INF2: variants seen among roughly 807,000 people sequenced by gnomAD.
INF2 encodes inverted formin-2.
A neutral mutation model predicts 123.5 loss-of-function variants in INF2; 43 were observed. The observed-to-expected ratio is 0.35, with a 90% CI of 0.27 to 0.45. The LOEUF is 0.45. Among genes scored for constraint, INF2 ranks in the 20% least tolerant of loss-of-function variants. INF2 has a pLI of 1.00. For missense variants in INF2, 1,453 were observed against 1,682.7 expected (o/e 0.86, Z 2.39); for synonymous variants, 851 against 745.0 (o/e 1.14, Z -2.32).
intron 2 of INF2, among the ~76,000 whole-genome samples, chr14:104,702,735 C>T (rs1263575168): frequency 4.6e-5 from 7 of 152,240 alleles, no homozygotes; most frequent in Non-Finnish European, 8.8e-5. Context: ...AGATGAGAGA[C>T]ACCCCCAGAA....
chr14:104,711,678 A>G lies in INF2; in HGVS notation c.2468A>G (p.Glu823Gly). 1 of 1,612,398 alleles carries G rather than the reference A, an allele frequency of 6.2e-7. No individual in the cohort carries two copies. The highest frequency in any genetic ancestry group is 8.5e-7 in the Non-Finnish European group (1 of 1,179,676). Residue 823 changes from glutamate to glycine, a missense_variant, in exon 16 of 23, where the codon GAA becomes GGA. Physicochemically the swap from Glu to Gly is moderately conservative, Grantham distance 98. Coordinates refer to ENST00000392634, the MANE Select transcript of INF2 (RefSeq NM_022489.4). The part of the protein sequence containing the change: ...PDLLQLPRDL[E>G]QPSQAAGINL... ...CTCCTGCAGCTGCCCCGGGACCTGG[A>G]ACAGCCCTCGCAAGCAGCAGGGTAG...
intron 1 of INF2, among the ~76,000 whole-genome samples, chr14:104,698,644 T>G (rs1366414586): frequency 1.3e-5 from 2 of 152,090 alleles, no homozygotes; most frequent in East Asian, 3.9e-4. Flanking sequence ...CGGGTCAGAG[T>G]GCTGCATATA....
intron 1 of INF2, among the ~76,000 whole-genome samples, chr14:104,693,311 T>G (rs1889040743): frequency 6.6e-6 from 1 of 152,116 alleles, no homozygotes; most frequent in African/African-American, 2.4e-5. Flanking sequence ...GCTGTCCTAC[T>G]GTTACAGGGC....
intron 13 of INF2, among the ~76,000 whole-genome samples, chr14:104,710,480 C>T (rs760305453): frequency 2.6e-5 from 4 of 151,986 alleles, no homozygotes; most frequent in South Asian, 2.1e-4. Flanking sequence ...CACTCAGGCA[C>T]GTGCACACAC....
At chr14:104,714,057 C>T (rs118061751) in intron 20 of INF2, 146 bp from the exon 21 acceptor site, 8 of 700,508 alleles carry the variant, frequency 1.1e-5, no homozygotes, top group African/African-American at 5.4e-5. Context: ...ACGCTGAGGC[C>T]GGGTCCTGCT....
rs1175580963 is a variant in INF2 at position 104,719,425 on chromosome 14, C to T, written c.*632C>T. 6.6e-6 allele frequency: 1 copy of T among 152,464 alleles called. No homozygotes were observed. The highest frequency in any genetic ancestry group is 1.5e-5 in the Non-Finnish European group (1 of 68,250). 9.4% of individuals were successfully genotyped at this position (152,464 alleles called of 1,614,324 possible). On this transcript the variant is annotated 3_prime_UTR_variant, in exon 23 of 23. Transcript: ENST00000392634. The stretch of plus-strand genomic sequence containing the variant: ...AGAAAACCCCTCCCAGTGCCAGCTG[C>T]CCAGCGTGGGCAGGCCCTGGGGACA...
At chr14:104,700,664 C>T (rs1025633358) in intron 1 of INF2, among the ~76,000 whole-genome samples, 1 of 152,112 alleles carries the variant, frequency 6.6e-6, no homozygotes, top group African/African-American at 2.4e-5. Flanking sequence ...GTTACCTACC[C>T]GGGTGTTCCC....
chr14:104,689,206 G>A (rs1888798430), upstream of INF2: 2 of 985,274 alleles, frequency 2.0e-6, no homozygotes, highest in African/African-American at 3.5e-5. Flanking sequence ...CTCCGGATCC[G>A]GCTGGCTGGA....
At chr14:104,710,415 GCA>G (rs778582821) in intron 13 of INF2, among the ~76,000 whole-genome samples, 44 of 151,416 alleles carry the variant, frequency 2.9e-4, no homozygotes, top group Middle Eastern at 3.4e-3. Flanking sequence ...TCGGGCACGT[GCA>G]CACACACAAG....
chr14:104,683,787 C>T (rs1888590813), intron 1 of INF2, among the ~76,000 whole-genome samples: 1 of 152,188 alleles, frequency 6.6e-6, no homozygotes, highest in Non-Finnish European at 1.5e-5. Flanking sequence ...AGATCCAATT[C>T]ATCAGCCTAC....
At chr14:104,715,938 G>T (rs1454919016) in intron 22 of INF2, 3 of 456,140 alleles carry the variant, frequency 6.6e-6, no homozygotes, top group Non-Finnish European at 1.3e-5. Context: ...CCGAGGCCAT[G>T]GGTGGGTCTA....
Position 104,714,737 on chromosome 14 carries a change from C to T in INF2, c.3575C>T (p.Ser1192Phe). 6 of 1,603,280 alleles carry T rather than the reference C, an allele frequency of 3.7e-6. No homozygotes were observed. Among genetic ancestry groups the T allele is most frequent in the Non-Finnish European group, 5.1e-6 (6 of 1,174,494 alleles). Reference sequence around the variant, plus strand: ...GCACTGGACACATCCCTGGACAAGTCCTTCTCCGAGGATGCGGTGACCGAC... The same window carrying T: ...GCACTGGACACATCCCTGGACAAGTTCTTCTCCGAGGATGCGGTGACCGAC... ...ESALDTSLDK[S>F]FSEDAVTDSS... The change falls in exon 21 of 23, where the codon TCC (serine) becomes TTC (phenylalanine). Residue 1192 changes from serine to phenylalanine, a missense_variant. Around this residue, in one of 8 missense-constraint regions of INF2, gnomAD observed 344 missense variants for 333.1 expected, o/e 1.03. Transcript: ENST00000392634.
Position 104,713,005 on chromosome 14 carries a change from G to A in INF2, c.2775+13G>A, listed in dbSNP as rs759589756. 13 of 1,611,978 alleles carry A rather than the reference G, an allele frequency of 8.1e-6. No individual in the cohort carries two copies. The highest frequency in any genetic ancestry group is 4.0e-5 in the African/African-American group (3 of 75,056). On this transcript the variant is annotated intron_variant, in intron 18 of 22. Transcript: ENST00000392634. ...CCGCGCCCTGAAGGTGGGGCAGCCC[G>A]GCGGGACACAGCCTGTCTGGCTAGA...
intron 6 of INF2, 44 bp downstream of exon 6, chr14:104,706,220 G>T: frequency 6.6e-7 from 1 of 1,525,460 alleles, no homozygotes; most frequent in Admixed American, 2.0e-5. Flanking sequence ...TCCAGGGCAG[G>T]CTGTGGCCCT....
In INF2 at chr14:104,718,985, GT is replaced by G. The variant is rs1291065589; in HGVS notation, c.*193del. The G allele has an allele frequency of 8.1e-6, 11 of 1,357,228 alleles. No individual in the cohort carries two copies. Among genetic ancestry groups the G allele is most frequent in the Non-Finnish European group, 9.6e-6 (10 of 1,036,718 alleles). The allele number at this position is 1,357,228 out of a possible 1,614,324, so 84.1% of individuals were successfully genotyped here. On this transcript the variant is annotated 3_prime_UTR_variant, in exon 23 of 23. Coordinates refer to ENST00000392634, the MANE Select transcript of INF2 (RefSeq NM_022489.4). Reference sequence around the variant, plus strand: ...GTGGCTGGGAACCCGACAGGCACCAGTGCCCTGCCAGGCCTGGTGCCCTCCT... The same window carrying G: ...GTGGCTGGGAACCCGACAGGCACCAGGCCCTGCCAGGCCTGGTGCCCTCCT...
chr14:104,699,510 CG>C lies in INF2; in HGVS notation c.-9-1846del, dbSNP rs1889369401. The C allele has an allele frequency of 1.0e-6, 1 of 985,126 alleles. No homozygotes were observed. Among genetic ancestry groups the C allele is most frequent in the South Asian group, 4.7e-5 (1 of 21,284 alleles). The allele number at this position is 985,126 out of a possible 1,614,324, so 61.0% of individuals were successfully genotyped here. The stretch of plus-strand genomic sequence containing the variant: ...TCTCTGGCAGCTCAGCGGTCAGCAG[CG>C]ATGAGAAGCCAGGGGAGCGTGAGGA... On this transcript the variant is annotated intron_variant, in intron 1 of 22. Transcript: ENST00000392634. This position sits in a 1 kb window ranked among gnomAD's most constrained non-coding sequence, Gnocchi z 4.7.
intron 1 of INF2, among the ~76,000 whole-genome samples, chr14:104,695,319 C>T (rs892303373): frequency 3.9e-5 from 6 of 152,286 alleles, no homozygotes; most frequent in Admixed American, 2.6e-4. Context: ...CTCGTCCCCC[C>T]ATGCCTCTCC....
In INF2 at chr14:104,714,360, G is replaced by T. The variant is rs1281969631; in HGVS notation, c.3198G>T (p.Glu1066Asp). The T allele has an allele frequency of 1.9e-6, 3 of 1,597,138 alleles. No individual in the cohort carries two copies. The highest frequency in any genetic ancestry group is 2.6e-6 in the Non-Finnish European group (3 of 1,172,550). The change falls in exon 21 of 23, where the codon GAG becomes GAT. Residue 1066 changes from glutamate to aspartate, a missense_variant. By Grantham distance (45) the Glu-to-Asp change is conservative. Coordinates refer to ENST00000392634, the MANE Select transcript of INF2 (RefSeq NM_022489.4). ...AGCCCACCCTGGAGCAGTTGGAGGA[G>T]GGTGGTCCACGGCCCCTGGAGAGGC... ...GPQPTLEQLE[E>D]GGPRPLERRS...
chr14:104,708,733 G>A lies in INF2; in HGVS notation c.1949+1G>A. The A allele has an allele frequency of 6.2e-7, 1 of 1,613,050 alleles. No individual in the cohort carries two copies. Among genetic ancestry groups the A allele is most frequent in the Non-Finnish European group, 8.5e-7 (1 of 1,179,828 alleles). ...ACATCTTCCTGAAGCAATTTAAGTG[G>A]TGAGTGAGGGAGGTAGCCCCCATCC... On this transcript the variant is annotated splice_donor_variant, in intron 10 of 22. Coordinates refer to ENST00000392634, the MANE Select transcript of INF2 (RefSeq NM_022489.4). LOFTEE classifies it high-confidence loss of function.
Sources: allele counts gnomAD v4.1 joint callset (sites outside exome capture counted in the v4.1 genomes callset), GRCh38; gene constraint gnomAD v4.1.1; regional missense constraint gnomAD v4.1.1; non-coding constraint Gnocchi (gnomAD v3.1); transcripts MANE v1.5; gene names NCBI Gene and HGNC (gene_info 2026-07-23, HGNC 2026-07-21).